BNC2: variants seen among roughly 807,000 people sequenced by gnomAD.
BNC2 encodes basonuclin zinc finger protein 2, also known as zinc finger protein basonuclin-2.
In BNC2, 20 loss-of-function variants were observed where a neutral mutation model predicts 76.3. That is an observed-to-expected ratio of 0.26 (90% CI 0.18 to 0.38). The LOEUF is 0.38. BNC2 is among the 10% of genes least tolerant of loss of function. The pLI, the probability that BNC2 is intolerant of heterozygous loss-of-function variation, is 1.00. For missense variants in BNC2, 1,382 were observed against 1,399.8 expected (o/e 0.99, Z 0.20); for synonymous variants, 582 against 514.8 (o/e 1.13, Z -1.77).
At chr9:16,590,864 T>A (rs1025123745) in intron 3 of BNC2, among the ~76,000 whole-genome samples, 2 of 152,070 alleles carry the variant, frequency 1.3e-5, no homozygotes, top group Non-Finnish European at 2.9e-5. Flanking sequence ...AATAGCAAAT[T>A]ATCTGTAATG....
chr9:16,637,026 G>C (rs1178509173), intron 3 of BNC2, among the ~76,000 whole-genome samples: 5 of 151,520 alleles, frequency 3.3e-5, no homozygotes, highest in African/African-American at 1.2e-4. Flanking sequence ...ACCCTGCTGT[G>C]GTTCAAAGAC....
chr9:16,833,653 A>G (rs73649044), intron 1 of BNC2, among the ~76,000 whole-genome samples: 1 of 152,120 alleles, frequency 6.6e-6, no homozygotes, highest in African/African-American at 2.4e-5. Context: ...GCCACTTGCC[A>G]TAAGGAATTA....
chr9:16,638,513 A>C (rs574377031), intron 3 of BNC2, among the ~76,000 whole-genome samples: 1 of 152,328 alleles, frequency 6.6e-6, no homozygotes, highest in African/African-American at 2.4e-5. Context: ...AAAAGTCTTA[A>C]GATTACAAGG....
At chr9:16,814,008 G>T (rs1337296458) in intron 1 of BNC2, among the ~76,000 whole-genome samples, 2 of 152,116 alleles carry the variant, frequency 1.3e-5, no homozygotes, top group African/African-American at 4.8e-5. Context: ...AAAGGATTTG[G>T]CTTGTCTCGT....
chr9:16,492,528 T>C (rs1822300062), intron 5 of BNC2, among the ~76,000 whole-genome samples: 1 of 152,194 alleles, frequency 6.6e-6, no homozygotes, highest in African/African-American at 2.4e-5. Context: ...TGCATATGAT[T>C]TCTTTAAAGC....
chr9:16,627,434 T>C (rs1031563664), intron 3 of BNC2, among the ~76,000 whole-genome samples: 1 of 144,558 alleles, frequency 6.9e-6, no homozygotes, highest in Non-Finnish European at 1.6e-5. Context: ...CCTGTGCAGT[T>C]GTAAAATATT....
intron 1 of BNC2, among the ~76,000 whole-genome samples, chr9:16,764,519 A>G (rs1193783299): frequency 3.9e-5 from 6 of 152,224 alleles, no homozygotes; most frequent in African/African-American, 1.4e-4. Context: ...ATATTACCCA[A>G]GTCAATATGC....
chr9:16,826,958 C>T (rs1036257032), intron 1 of BNC2, among the ~76,000 whole-genome samples: 2 of 152,178 alleles, frequency 1.3e-5, no homozygotes, highest in African/African-American at 2.4e-5. Context: ...ATCCACTTCA[C>T]CTGATGCAGA....
intron 1 of BNC2, among the ~76,000 whole-genome samples, chr9:16,810,970 G>A (rs1190735110): frequency 3.3e-5 from 5 of 152,140 alleles, no homozygotes; most frequent in African/African-American, 9.7e-5. Context: ...TGTAATCCCA[G>A]CAATTTGGGA....
At chr9:16,428,988 C>T (rs1406776827) in intron 6 of BNC2, among the ~76,000 whole-genome samples, 1 of 152,142 alleles carries the variant, frequency 6.6e-6, no homozygotes, top group African/African-American at 2.4e-5. Context: ...CCTGCCTCTC[C>T]CTCATACACA....
At chr9:16,801,429 G>C (rs527759068) in intron 1 of BNC2, among the ~76,000 whole-genome samples, 73 of 151,426 alleles carry the variant, frequency 4.8e-4, no homozygotes, top group Admixed American at 9.2e-4. Context: ...GTAGAGATGG[G>C]GTTTCACCAT....
chr9:16,810,867 T>C (rs1032579138), intron 1 of BNC2, among the ~76,000 whole-genome samples: 3 of 152,178 alleles, frequency 2.0e-5, no homozygotes, highest in African/African-American at 7.2e-5. Flanking sequence ...ACCAGAACTC[T>C]GAGCTGTCAT....
intron 6 of BNC2, chr9:16,429,712 C>G: frequency 3.2e-6 from 1 of 309,720 alleles, no homozygotes; most frequent in East Asian, 7.7e-5. Context: ...TGTTAACTCT[C>G]ATCAATAGAA....
intron 5 of BNC2, among the ~76,000 whole-genome samples, chr9:16,478,540 CCTT>C (rs1409363436): frequency 6.6e-6 from 1 of 152,164 alleles, no homozygotes; most frequent in East Asian, 1.9e-4. Context: ...TAAAATACTG[CCTT>C]TTTTTAGATG....
intron 3 of BNC2, among the ~76,000 whole-genome samples, chr9:16,600,388 T>A (rs570671358): frequency 6.6e-5 from 10 of 152,328 alleles, no homozygotes; most frequent in African/African-American, 2.4e-4. Context: ...GTGCTCAAGT[T>A]GTTTAACACT....
chr9:16,501,640 T>G (rs1469103546), intron 5 of BNC2, among the ~76,000 whole-genome samples: 1 of 152,186 alleles, frequency 6.6e-6, no homozygotes, highest in African/African-American at 2.4e-5. Flanking sequence ...TTCTCTACAG[T>G]TCACTTATCC....
At chr9:16,757,580 C>T (rs141505419) in intron 1 of BNC2, among the ~76,000 whole-genome samples, 5 of 152,170 alleles carry the variant, frequency 3.3e-5, no homozygotes, top group African/African-American at 1.2e-4. Flanking sequence ...CCTTAAGCCC[C>T]TTTCTCAAAA....
In BNC2 at chr9:16,572,269, C is replaced by T. The variant is rs904946591; in HGVS notation, c.433+10714G>A. Among the ~76,000 whole-genome samples, 17 of 152,154 alleles carry T rather than the reference C, an allele frequency of 1.1e-4. 1 individual carries two copies. The highest frequency in any genetic ancestry group is 2.9e-4 in the African/African-American group (12 of 41,442). On this transcript the variant is annotated intron_variant, in intron 4 of 6. Transcript: ENST00000380672. ...TTGGGCTGCTAAAACCTCCCACTTA[C>T]CTTTCACTTATTTTGTTGTCTGAAG...
rs1370518814 is a variant in BNC2 at position 16,557,571 on chromosome 9, A to T, written c.434-4806T>A. 2.0e-5 allele frequency among the ~76,000 whole-genome samples: 3 copies of T among 152,094 alleles called. No individual in the cohort carries two copies. In the East Asian group the frequency reaches 5.8e-4, roughly 29 times the overall value. On this transcript the variant is annotated intron_variant, in intron 4 of 6. Transcript: ENST00000380672. The stretch of plus-strand genomic sequence containing the variant: ...GAAGTTGCATATACAAAATATATAA[A>T]AGTGAAGCTGTTCTAGGTGAAGCTG...
Sources: gnomAD v4.1 joint callset for allele counts (sites outside exome capture counted in the v4.1 genomes callset) on GRCh38, gnomAD v4.1.1 for gene constraint, MANE v1.5 for transcripts, NCBI Gene and HGNC (gene_info 2026-07-23, HGNC 2026-07-21) for gene names.